WDR27: variants seen among roughly 807,000 people sequenced by gnomAD.
WDR27 encodes WD repeat-containing protein 27.
WDR27 carries 100 observed loss-of-function variants against 114.4 expected under a neutral mutation model. The ratio of observed to expected loss-of-function variants is 0.87; its 90% CI spans 0.74 to 1.03. WDR27 has a LOEUF of 1.03. Among genes scored for constraint, WDR27 ranks in the 50% least tolerant of loss-of-function variants. WDR27 has a pLI of 0.00. For missense variants in WDR27, 1,129 were observed against 1,092.9 expected (o/e 1.03, Z -0.47); for synonymous variants, 449 against 423.1 (o/e 1.06, Z -0.75).
Position 169,634,485 on chromosome 6 carries a change from A to G in WDR27, c.2044T>C (p.Ser682Pro), listed in dbSNP as rs769264674. The G allele has an allele frequency of 3.1e-6, 5 of 1,613,292 alleles. No individual in the cohort carries two copies. The East Asian group carries it at 1.1e-4, about 36-fold the overall frequency. Residue 682 changes from serine to proline, a missense_variant, in exon 20 of 26, where the codon TCC (serine) becomes CCC (proline). Transcript: ENST00000448612. ...KSKSKLICRLSTTGAVDMTSL... is the reference protein window; with the variant it reads ...KSKSKLICRLPTTGAVDMTSL... ...GTCATGTCTACTGCACCCGTCGTGG[A>G]GAGCCTGCAAATCAGCTTGGACTTG...
intron 25 of WDR27, among the ~76,000 whole-genome samples, chr6:169,484,744 G>A (rs1331429207): frequency 1.3e-5 from 2 of 152,146 alleles, no homozygotes; most frequent in Non-Finnish European, 2.9e-5. Flanking sequence ...AACAAAGCTG[G>A]AGGCATCTTA....
chr6:169,669,721 A>G (rs1395914951), intron 4 of WDR27: 2 of 152,114 alleles, frequency 1.3e-5, no homozygotes, highest in African/African-American at 4.8e-5. Context: ...CCTAACTCCT[A>G]GATACTTCCC....
At chr6:169,597,142 C>T (rs917377584) in intron 23 of WDR27, among the ~76,000 whole-genome samples, 2 of 152,034 alleles carry the variant, frequency 1.3e-5, no homozygotes, top group African/African-American at 4.8e-5. Context: ...ACACTTCTGT[C>T]TCTACACTCT....
intron 14 of WDR27, among the ~76,000 whole-genome samples, chr6:169,650,730 TCTCATCCCTCCATCC>T (rs922022811): frequency 7.3e-6 from 1 of 137,804 alleles, no homozygotes; most frequent in African/African-American, 2.8e-5. Context: ...CTCATCCATC[TCTCATCCCTCCATCC>T]CTCCATCCCC....
chr6:169,646,432 A>G (rs953690767), intron 16 of WDR27, among the ~76,000 whole-genome samples: 1 of 152,150 alleles, frequency 6.6e-6, no homozygotes, highest in African/African-American at 2.4e-5. Flanking sequence ...ATGTTGAAAC[A>G]TTTTCCAAAA....
chr6:169,682,462 A>T (rs1781789086), intron 2 of WDR27, among the ~76,000 whole-genome samples: 1 of 152,314 alleles, frequency 6.6e-6, no homozygotes, highest in Non-Finnish European at 1.5e-5. Flanking sequence ...AGCTGTGTCA[A>T]CCTCAGAGTT....
chr6:169,645,927 C>T (rs574687111), intron 16 of WDR27, among the ~76,000 whole-genome samples: 1 of 152,102 alleles, frequency 6.6e-6, no homozygotes, highest in South Asian at 2.1e-4. Context: ...GTAGAAAATC[C>T]TAGTTCACAG....
Position 169,659,604 on chromosome 6 carries a change from A to G in WDR27, c.1130-86T>C. On this transcript the variant is annotated intron_variant, in intron 10 of 25. Coordinates refer to ENST00000448612, the MANE Select transcript of WDR27 (RefSeq NM_182552.5). The surrounding 1 kb of genome is among the most constrained non-coding windows in gnomAD (Gnocchi z 4.3). ...AGTCACTGCCCAGAGCCCACCACAC[A>G]CAGCCCAGAGCCCACCACACACAGT... is the stretch of plus-strand genomic sequence containing the variant. 4.6e-6 allele frequency: 6 copies of G among 1,309,262 alleles called. No individual in the cohort carries two copies. Among genetic ancestry groups the G allele is most frequent in the Non-Finnish European group, 6.4e-6 (6 of 933,142 alleles). 81.1% of individuals were successfully genotyped at this position (1,309,262 alleles called of 1,614,324 possible). A position where few individuals can be genotyped will look rare whatever the true frequency, so the allele number is the denominator to read the frequency against.
At chr6:169,443,621 T>A in the WDR27 span, among the ~76,000 whole-genome samples, 1 of 152,080 alleles carries the variant, frequency 6.6e-6, no homozygotes, top group African/African-American at 2.4e-5. Context: ...AAGCCAGCAA[T>A]CCTGCAAGGG....
chr6:169,552,382 C>A (rs1010124407), intron 25 of WDR27, among the ~76,000 whole-genome samples: 3 of 152,230 alleles, frequency 2.0e-5, no homozygotes, highest in African/African-American at 7.2e-5. Flanking sequence ...CGAGGACTTT[C>A]AGCCTGTTCC....
At chr6:169,613,360 C>T (rs1369175922) in intron 22 of WDR27, among the ~76,000 whole-genome samples, 199 bp downstream of exon 22, 2 of 152,190 alleles carry the variant, frequency 1.3e-5, no homozygotes, top group South Asian at 2.1e-4. Flanking sequence ...CTCTCCTAAG[C>T]CACATATAGC....
the WDR27 span, among the ~76,000 whole-genome samples, chr6:169,444,733 C>A: frequency 6.6e-6 from 1 of 151,866 alleles, no homozygotes; most frequent in East Asian, 1.9e-4. Flanking sequence ...CAGAAACAAC[C>A]AGATCCTGCT....
intron 13 of WDR27, among the ~76,000 whole-genome samples, chr6:169,656,407 C>T (rs1824202573): frequency 6.6e-6 from 1 of 152,126 alleles, no homozygotes; most frequent in Admixed American, 6.5e-5. Context: ...TCCCTGGGGA[C>T]CTGCCTGTGT....
chr6:169,572,893 T>C (rs1293456878), intron 24 of WDR27, among the ~76,000 whole-genome samples: 1 of 152,144 alleles, frequency 6.6e-6, no homozygotes, highest in East Asian at 1.9e-4. Flanking sequence ...AGTACCAAAA[T>C]ATTGAAAACC....
chr6:169,573,894 C>T (rs1801844475), intron 24 of WDR27, among the ~76,000 whole-genome samples: 2 of 152,242 alleles, frequency 1.3e-5, no homozygotes, highest in African/African-American at 4.8e-5. Flanking sequence ...TGAGATACTT[C>T]TGCCTTGCTA....
At chr6:169,470,518 C>G (rs985646652) in intron 25 of WDR27, among the ~76,000 whole-genome samples, 1 of 152,198 alleles carries the variant, frequency 6.6e-6, no homozygotes, top group Non-Finnish European at 1.5e-5. Flanking sequence ...ATTTGCAGTT[C>G]TGGAGCTAGA....
At chr6:169,511,685 G>T (rs755402024) in intron 25 of WDR27, among the ~76,000 whole-genome samples, 18 of 151,482 alleles carry the variant, frequency 1.2e-4, no homozygotes, top group Admixed American at 2.6e-4. Flanking sequence ...TTTACTATTT[G>T]GCCTTTTACA....
intron 25 of WDR27, among the ~76,000 whole-genome samples, chr6:169,536,858 C>T (rs892922178): frequency 6.6e-6 from 1 of 152,040 alleles, no homozygotes; most frequent in African/African-American, 2.4e-5. Flanking sequence ...GGGTAAGGTA[C>T]GTGGTTTAGT....
intron 25 of WDR27, among the ~76,000 whole-genome samples, chr6:169,474,452 A>C (rs1786856981): frequency 6.6e-6 from 1 of 152,246 alleles, no homozygotes; most frequent in South Asian, 2.1e-4. Context: ...GTAAAAGAAA[A>C]AGACATTAGT....
Sources: gnomAD v4.1 joint callset for allele counts (sites outside exome capture counted in the v4.1 genomes callset) on GRCh38, gnomAD v4.1.1 for gene constraint, Gnocchi (gnomAD v3.1) non-coding constraint, MANE v1.5 for transcripts, NCBI Gene and HGNC (gene_info 2026-07-23, HGNC 2026-07-21) for gene names.